The following TPCN1 variants were observed in gnomAD, a reference collection of about 807,000 sequenced individuals.
TPCN1 encodes the protein two pore segment channel 1.
A neutral mutation model predicts 108.8 loss-of-function variants in TPCN1; 52 were observed. The ratio of observed to expected loss-of-function variants is 0.48; its 90% CI spans 0.38 to 0.60. TPCN1 has a LOEUF of 0.60. Among genes scored for constraint, TPCN1 ranks in the 20% least tolerant of loss-of-function variants. The pLI is 0.00. For missense variants in TPCN1, 806 were observed against 1,072.8 expected (o/e 0.75, Z 3.47); for synonymous variants, 446 against 433.7 (o/e 1.03, Z -0.35).
At chr12:113,292,785 C>A in intron 25 of TPCN1, 149 bp from the exon 26 acceptor site, 1 of 883,670 alleles carries the variant, frequency 1.1e-6, no homozygotes, top group Non-Finnish European at 1.7e-6. Flanking sequence ...GAAAGGAGGG[C>A]CAACGAGGAG....
intron 2 of TPCN1, among the ~76,000 whole-genome samples, chr12:113,233,495 G>A (rs1397280292): frequency 6.6e-6 from 1 of 152,246 alleles, no homozygotes; most frequent in Non-Finnish European, 1.5e-5. Context: ...CAAACCTGGA[G>A]TGACGTCAAT....
In TPCN1 at chr12:113,288,710, C is replaced by T. The variant is rs371878660; in HGVS notation, c.1707-48C>T. 131 of 1,604,034 alleles carry T rather than the reference C, an allele frequency of 8.2e-5. 1 individual carries two copies. The highest frequency in any genetic ancestry group is 9.5e-5 in the Non-Finnish European group (112 of 1,178,164). On this transcript the variant is annotated intron_variant, in intron 20 of 27. Transcript: ENST00000335509. The surrounding 1 kb of genome is among the most constrained non-coding windows in gnomAD (Gnocchi z 4.8). ...GAGGAGGCCGGGGCTGCAGAGGAGC[C>T]GTTCCCTCCTGCCGGCCCCGCGTCA...
rs199523634 is a variant in TPCN1 at position 113,268,881 on chromosome 12, C to A, written c.659+9C>A. On this transcript the variant is annotated intron_variant, in intron 6 of 27. Transcript: ENST00000335509. The surrounding 1 kb of genome is among the most constrained non-coding windows in gnomAD (Gnocchi z 7.3). ...TGCGGTGGCGTCCGGCGGTAAGGCC[C>A]GGGTGGGGAGCTGGGCAGTCACTAT... is the stretch of plus-strand genomic sequence containing the variant. 6.2e-7 allele frequency: 1 copy of A among 1,613,422 alleles called. No homozygotes were observed. Among genetic ancestry groups the A allele is most frequent in the Non-Finnish European group, 8.5e-7 (1 of 1,179,730 alleles).
chr12:113,271,727 G>T (rs990482383), intron 7 of TPCN1, among the ~76,000 whole-genome samples: 14 of 152,210 alleles, frequency 9.2e-5, no homozygotes, highest in African/African-American at 3.4e-4. Context: ...ACTCCTGTGT[G>T]TTTCCCGGTG....
In TPCN1 at chr12:113,284,172, G is replaced by A. The variant is rs1162130709; in HGVS notation, c.1343-409G>A. Among the ~76,000 whole-genome samples the A allele has an allele frequency of 6.6e-6, 1 of 152,194 alleles. No homozygotes were observed. Among genetic ancestry groups the A allele is most frequent in the Non-Finnish European group, 1.5e-5 (1 of 68,038 alleles). On this transcript the variant is annotated intron_variant, in intron 15 of 27. Transcript: ENST00000335509. This position sits in a 1 kb window ranked among gnomAD's most constrained non-coding sequence, Gnocchi z 4.1. ...GGTTTCTGGAAAGTGGGATTGCTAG[G>A]CGAATGGCTTAATGCATATGCAGTT...
chr12:113,237,359 C>CT (rs113972186), intron 2 of TPCN1, among the ~76,000 whole-genome samples: 153 of 146,518 alleles, frequency 1.0e-3, no homozygotes, highest in Middle Eastern at 3.6e-3. Context: ...GTTCCTACTT[C>CT]TTTTTTTTTT....
At chr12:113,282,087 A>ATTTTTT (rs1247829773) in intron 15 of TPCN1, among the ~76,000 whole-genome samples, 18 of 92,052 alleles carry the variant, frequency 2.0e-4, no homozygotes, top group African/African-American at 7.1e-4. Context: ...CACCCGGCTA[A>ATTTTTT]TTTTTTTTTT....
chr12:113,230,915 G>A (rs545083946), intron 2 of TPCN1, among the ~76,000 whole-genome samples: 5 of 152,326 alleles, frequency 3.3e-5, no homozygotes, highest in Admixed American at 3.3e-4. Flanking sequence ...CCCTCCTGCC[G>A]CCTCTCCTCA....
At position 113,276,910 on chromosome 12, in the gene TPCN1, C is replaced by T. The variant is rs1299801964; in HGVS notation, c.943-9C>T. ...TCCTGAGCTAGGGCTCTGTGCTTCT[C>T]TCCCACAGCTTCTGGCTGTGGTGTT... On this transcript the variant is annotated splice_polypyrimidine_tract_variant and intron_variant, in intron 10 of 27. Transcript: ENST00000335509. 1.2e-6 allele frequency: 2 copies of T among 1,601,424 alleles called. No homozygotes were observed. Among genetic ancestry groups the T allele is most frequent in the South Asian group, 2.2e-5 (2 of 90,822 alleles).
At chr12:113,249,827 CAGTT>C (rs1954561488) in intron 2 of TPCN1, 1 of 152,256 alleles carries the variant, frequency 6.6e-6, no homozygotes, top group Non-Finnish European at 1.5e-5. Context: ...ACACCGCCCA[CAGTT>C]AGAGTGGTTC....
rs1956209770 is a variant in TPCN1 at position 113,289,821 on chromosome 12, C to T, written c.1797-307C>T. ...GGGGCAGGTGCAGAGGAGGCCCTTG[C>T]CTCTCCTCCCTCCCCTGCAAGCAAC... is the stretch of plus-strand genomic sequence containing the variant. On this transcript the variant is annotated intron_variant, in intron 21 of 27. Coordinates refer to ENST00000335509, the MANE Select transcript of TPCN1 (RefSeq NM_017901.6). This position sits in a 1 kb window ranked among gnomAD's most constrained non-coding sequence, Gnocchi z 4.1. Among the ~76,000 whole-genome samples, 3 of 152,200 alleles carry T rather than the reference C, an allele frequency of 2.0e-5. No individual in the cohort carries two copies.
At chr12:113,265,501 T>G (rs1013231136) in intron 3 of TPCN1, among the ~76,000 whole-genome samples, 13 of 152,030 alleles carry the variant, frequency 8.6e-5, no homozygotes, top group Admixed American at 2.0e-4. Flanking sequence ...GGATTGGACA[T>G]GCCTGTTTCT....
chr12:113,296,450 T>C lies in TPCN1; in HGVS notation c.*374T>C. The C allele has an allele frequency of 4.7e-6, 1 of 213,440 alleles. No individual in the cohort carries two copies. Among genetic ancestry groups the C allele is most frequent in the African/African-American group, 2.3e-5 (1 of 44,308 alleles). 13.2% of individuals were successfully genotyped at this position (213,440 alleles called of 1,614,324 possible). On this transcript the variant is annotated 3_prime_UTR_variant, in exon 28 of 28. Transcript: ENST00000335509. ...TCACTGCTACTGCTTCAGGCTCACA[T>C]CCCCCCGACCTGATGGCGTGCCCGC...
chr12:113,296,149 G>A lies in TPCN1; in HGVS notation c.*73G>A, dbSNP rs1279306073. 32 of 1,571,568 alleles carry A rather than the reference G, an allele frequency of 2.0e-5. No individual in the cohort carries two copies. The highest frequency in any genetic ancestry group is 3.4e-5 in the South Asian group (3 of 87,344). On this transcript the variant is annotated 3_prime_UTR_variant, in exon 28 of 28. Transcript: ENST00000335509. Reference sequence around the variant, plus strand: ...ACTCTACTGCGATGTACGGAACTGCGGTGTGTGTACACATACTCACGTATA... The same window carrying A: ...ACTCTACTGCGATGTACGGAACTGCAGTGTGTGTACACATACTCACGTATA...
At chr12:113,271,376 T>C (rs1398372193) in intron 7 of TPCN1, among the ~76,000 whole-genome samples, 1 of 152,194 alleles carries the variant, frequency 6.6e-6, no homozygotes, top group African/African-American at 2.4e-5. Flanking sequence ...TTTGTGACCT[T>C]TAGTGATTGT....
intron 23 of TPCN1, among the ~76,000 whole-genome samples, chr12:113,291,354 C>G (rs569209681): frequency 7.2e-5 from 11 of 152,244 alleles, no homozygotes; most frequent in Non-Finnish European, 1.3e-4. Flanking sequence ...CTTAAACTTT[C>G]CCGACTCCCA....
At chr12:113,295,919 T>C (rs1451560104) in intron 27 of TPCN1, 41 bp from the exon 28 acceptor site, 1 of 1,501,508 alleles carries the variant, frequency 6.7e-7, no homozygotes, top group African/African-American at 1.4e-5. Flanking sequence ...GGGCAGGGGG[T>C]GGGGTGCAGC....
intron 27 of TPCN1, among the ~76,000 whole-genome samples, chr12:113,294,428 A>T (rs954495341): frequency 1.3e-5 from 2 of 151,976 alleles, no homozygotes; most frequent in Admixed American, 1.3e-4. Context: ...GGAGCTCGAG[A>T]CCAGCCTGGC....
chr12:113,298,105 A>AAAG lies in TPCN1; in HGVS notation c.*2030_*2032dup, dbSNP rs922222753. The AAAG allele has an allele frequency of 2.6e-5, 4 of 152,232 alleles. No individual in the cohort carries two copies. The highest frequency in any genetic ancestry group is 9.6e-5 in the African/African-American group (4 of 41,452). 9.4% of individuals were successfully genotyped at this position (152,232 alleles called of 1,614,324 possible). ...TCCATCTGCCCAACCCTGTCCTGAG[A>AAAG]AAGGACCTGGTTTTGGCCAGGACCT... On this transcript the variant is annotated 3_prime_UTR_variant, in exon 28 of 28. Transcript: ENST00000335509.
Sources: gnomAD v4.1 joint callset for allele counts (sites outside exome capture counted in the v4.1 genomes callset) on GRCh38, gnomAD v4.1.1 for gene constraint, Gnocchi (gnomAD v3.1) non-coding constraint, MANE v1.5 for transcripts, NCBI Gene and HGNC (gene_info 2026-07-23, HGNC 2026-07-21) for gene names.